Variants in ZCCHC14 observed in about 807,000 individuals in gnomAD.
The protein encoded by ZCCHC14 is zinc finger CCHC domain-containing protein 14.
ZCCHC14 carries 16 observed loss-of-function variants against 85.0 expected under a neutral mutation model. The observed-to-expected ratio is 0.19, with a 90% CI of 0.13 to 0.29. The LOEUF is 0.29. ZCCHC14 is among the 10% of genes least tolerant of loss of function. The pLI is 1.00. For synonymous variants in ZCCHC14, 775 were observed against 630.7 expected (o/e 1.23, Z -3.43); for missense variants, 1,303 against 1,443.5 (o/e 0.90, Z 1.58).
rs146561734 is a variant in ZCCHC14, at chr16:87,411,164, G to A, written c.3205+352C>T. 6.8e-4 allele frequency among the ~76,000 whole-genome samples: 104 copies of A among 152,346 alleles called. No individual in the cohort carries two copies. In the East Asian group the frequency reaches 0.018, roughly 27 times the overall value. Reference sequence around the variant, plus strand: ...CCCACCCCAGAGGGTCCGGAATGCCGATGCGCCACAGCCTGAGGGCCCCAG... The same window carrying A: ...CCCACCCCAGAGGGTCCGGAATGCCAATGCGCCACAGCCTGAGGGCCCCAG... On this transcript the variant is annotated intron_variant, in intron 12 of 12. Transcript: ENST00000671377.
chr16:87,440,986 T>C (rs1464268408), intron 2 of ZCCHC14, among the ~76,000 whole-genome samples: 1 of 151,218 alleles, frequency 6.6e-6, no homozygotes, highest in Non-Finnish European at 1.5e-5. Context: ...ATTATACATA[T>C]GCGACTGTTC....
chr16:87,430,515 GATTT>G (rs1432861709), intron 3 of ZCCHC14, among the ~76,000 whole-genome samples: 3 of 151,336 alleles, frequency 2.0e-5, no homozygotes, highest in Admixed American at 6.6e-5. Flanking sequence ...ACTTTAACTT[GATTT>G]CTTTCTTTTT....
chr16:87,423,062 G>C (rs1209490388), intron 4 of ZCCHC14, among the ~76,000 whole-genome samples: 1 of 152,212 alleles, frequency 6.6e-6, no homozygotes, highest in Non-Finnish European at 1.5e-5. Context: ...GCTCTCTTTG[G>C]AGACATTTAC....
At chr16:87,433,614 A>G (rs986163506) in intron 2 of ZCCHC14, among the ~76,000 whole-genome samples, 1 of 152,186 alleles carries the variant, frequency 6.6e-6, no homozygotes, top group Non-Finnish European at 1.5e-5. Context: ...TGTTTAAGAC[A>G]ATATTTCCCC....
chr16:87,492,488 C>T lies in ZCCHC14; in HGVS notation c.-250G>A, dbSNP rs990061614. On this transcript the variant is annotated 5_prime_UTR_variant, in exon 1 of 13. Transcript: ENST00000671377. This position sits in a 1 kb window ranked among gnomAD's most constrained non-coding sequence, Gnocchi z 6.7. ...GGGCGCCGGGGGGGCCCGGGGCGGCCGGGGCGGCCGGGGGCGGCGAGCGGC... is the reference window on the plus strand; with the variant it reads ...GGGCGCCGGGGGGGCCCGGGGCGGCTGGGGCGGCCGGGGGCGGCGAGCGGC... 1 of 144,600 alleles carries T rather than the reference C, an allele frequency of 6.9e-6. No homozygotes were observed. The highest frequency in any genetic ancestry group is 1.5e-5 in the Non-Finnish European group (1 of 65,296). The allele number at this position is 144,600 out of a possible 1,614,324, so 9.0% of individuals were successfully genotyped here. A position where few individuals can be genotyped will look rare whatever the true frequency, so the allele number is the denominator to read the frequency against.
chr16:87,414,883 T>C (rs1426841985), intron 9 of ZCCHC14, among the ~76,000 whole-genome samples: 1 of 152,174 alleles, frequency 6.6e-6, no homozygotes, highest in Non-Finnish European at 1.5e-5. Context: ...GAGTTTGAGA[T>C]CAGCTTGGCC....
intron 2 of ZCCHC14, among the ~76,000 whole-genome samples, chr16:87,434,358 G>C (rs945570713): frequency 6.6e-6 from 1 of 152,226 alleles, no homozygotes; most frequent in African/African-American, 2.4e-5. Context: ...ACCCGGCTCT[G>C]CCAGCTTCCA....
intron 1 of ZCCHC14, among the ~76,000 whole-genome samples, chr16:87,489,898 G>A (rs1320987693): frequency 2.0e-5 from 3 of 152,184 alleles, no homozygotes; most frequent in Non-Finnish European, 4.4e-5. Flanking sequence ...CGTTACTGTA[G>A]CAACAGCCAT....
At chr16:87,485,612 A>T (rs1464405204) in intron 1 of ZCCHC14, among the ~76,000 whole-genome samples, 3 of 151,106 alleles carry the variant, frequency 2.0e-5, no homozygotes, top group Admixed American at 6.6e-5. Flanking sequence ...AAAAAAGAAG[A>T]AGAATCTTTT....
chr16:87,415,603 G>A (rs1466655776), intron 8 of ZCCHC14, among the ~76,000 whole-genome samples: 2 of 152,296 alleles, frequency 1.3e-5, no homozygotes, highest in East Asian at 3.9e-4. Flanking sequence ...GGCTCCTCCA[G>A]GGCACCTTCT....
chr16:87,456,234 G>A (rs1910952704), intron 2 of ZCCHC14, among the ~76,000 whole-genome samples: 1 of 152,166 alleles, frequency 6.6e-6, no homozygotes. Context: ...GGGCATTTTA[G>A]AATTTAGATT....
rs557225923 is a variant in ZCCHC14 at position 87,434,749 on chromosome 16, T to TG, written c.695-1549dup. ...GCTCACGCCTGGTATCCCAGCACTT[T>TG]GGGGGGCCGAGGCAGGCAAATCACA... On this transcript the variant is annotated intron_variant, in intron 2 of 12. Coordinates refer to ENST00000671377, the MANE Select transcript of ZCCHC14 (RefSeq NM_015144.3). Among the ~76,000 whole-genome samples, 44 of 152,148 alleles carry TG rather than the reference T, an allele frequency of 2.9e-4. 1 individual carries two copies. The South Asian group carries it at 7.3e-3, about 25-fold the overall frequency.
intron 8 of ZCCHC14, among the ~76,000 whole-genome samples, chr16:87,416,293 T>C (rs1454654513): frequency 6.6e-6 from 1 of 152,082 alleles, no homozygotes; most frequent in East Asian, 1.9e-4. Context: ...CGCTGAATGG[T>C]TGTGTGGCTA....
rs1908344591 is a variant in ZCCHC14 at position 87,409,574 on chromosome 16, T to C, written c.*706A>G. Reference sequence around the variant, plus strand: ...ATTTAATAACGTAGTTTAGATTTATTTGCAGAAAAAAATTAAAAACCTGAA... The same window carrying C: ...ATTTAATAACGTAGTTTAGATTTATCTGCAGAAAAAAATTAAAAACCTGAA... On this transcript the variant is annotated 3_prime_UTR_variant, in exon 13 of 13. Transcript: ENST00000671377. The C allele has an allele frequency of 6.6e-6, 1 of 152,518 alleles. No homozygotes were observed. Among genetic ancestry groups the C allele is most frequent in the East Asian group, 1.9e-4 (1 of 5,200 alleles). The allele number at this position is 152,518 out of a possible 1,614,324, so 9.4% of individuals were successfully genotyped here.
rs563350486 is a variant in ZCCHC14 at position 87,433,104 on chromosome 16, G to C, written c.768+24C>G. On this transcript the variant is annotated intron_variant, in intron 3 of 12. Transcript: ENST00000671377. The stretch of plus-strand genomic sequence containing the variant: ...TTTCTTCCTAGCCTTCCAGGAGAGA[G>C]GGGAAAAAAACTTAGCATCTTACCT... 9.3e-6 allele frequency: 15 copies of C among 1,611,214 alleles called. No individual in the cohort carries two copies. In the Admixed American group the frequency reaches 1.8e-4, roughly 20 times the overall value.
intron 1 of ZCCHC14, among the ~76,000 whole-genome samples, chr16:87,464,622 C>G (rs1224894561): frequency 1.3e-5 from 2 of 152,190 alleles, no homozygotes; most frequent in Non-Finnish European, 2.9e-5. Context: ...AAGGAAAACT[C>G]TTTAGAATGG....
rs564137985 is a variant in ZCCHC14 at position 87,446,409 on chromosome 16, G to C, written c.695-13208C>G. 1.1e-4 allele frequency among the ~76,000 whole-genome samples: 17 copies of C among 151,936 alleles called. No homozygotes were observed. In the East Asian group the frequency reaches 3.1e-3, roughly 28 times the overall value. ...TGAGGTGAGAGAATCACTCGAACCT[G>C]GAAGGCAGAGGTTACAGTGAGCTGA... On this transcript the variant is annotated intron_variant, in intron 2 of 12. Transcript: ENST00000671377.
At chr16:87,462,774 A>AG (rs1275481594) in intron 1 of ZCCHC14, among the ~76,000 whole-genome samples, 1 of 150,000 alleles carries the variant, frequency 6.7e-6, no homozygotes, top group African/African-American at 2.5e-5. Flanking sequence ...AAGAAAAAAA[A>AG]CAAACACGGC....
At chr16:87,449,691 A>G (rs1910603757) in intron 2 of ZCCHC14, among the ~76,000 whole-genome samples, 1 of 152,256 alleles carries the variant, frequency 6.6e-6, no homozygotes, top group African/African-American at 2.4e-5. Context: ...TTACAAAATT[A>G]TGCTTAAAAA....
Sources: allele counts gnomAD v4.1 joint callset (sites outside exome capture counted in the v4.1 genomes callset), GRCh38; gene constraint gnomAD v4.1.1; non-coding constraint Gnocchi (gnomAD v3.1); transcripts MANE v1.5; gene names NCBI Gene and HGNC (gene_info 2026-07-23, HGNC 2026-07-21).